The following NWD2 variants were observed in gnomAD, a reference collection of about 807,000 sequenced individuals.
The protein encoded by NWD2 is NACHT and WD repeat domain containing 2.
A neutral mutation model predicts 132.7 loss-of-function variants in NWD2; 37 were observed. That is an observed-to-expected ratio of 0.28 (90% CI 0.21 to 0.37). NWD2 has a LOEUF of 0.37. Among genes scored for constraint, NWD2 ranks in the 10% least tolerant of loss-of-function variants. NWD2 has a pLI of 1.00. For synonymous variants in NWD2, 705 were observed against 803.0 expected, an observed-to-expected ratio of 0.88 and a Z score of 2.06; for missense variants, 1,592 against 2,122.4, an observed-to-expected ratio of 0.75 and a Z score of 4.91.
At chr4:37,268,840 A>G (rs1453581462) in intron 1 of NWD2, among the ~76,000 whole-genome samples, 1 of 151,886 alleles carries the variant, frequency 6.6e-6, no homozygotes, top group Non-Finnish European at 1.5e-5. Flanking sequence ...TAAATCAAGC[A>G]TAAGAGGCAA....
At chr4:37,394,901 C>A (rs1452436751) in intron 3 of NWD2, among the ~76,000 whole-genome samples, 1 of 144,900 alleles carries the variant, frequency 6.9e-6, no homozygotes, top group Non-Finnish European at 1.5e-5. Flanking sequence ...CAACCTCTGC[C>A]TCCTGGGTTC....
At chr4:37,360,828 G>T (rs577788522) in intron 3 of NWD2, among the ~76,000 whole-genome samples, 71 of 152,244 alleles carry the variant, frequency 4.7e-4, no homozygotes, top group African/African-American at 1.7e-3. Flanking sequence ...GGAAGAGGGG[G>T]TTTTCTTCTT....
At chr4:37,372,610 A>G (rs1720251845) in intron 3 of NWD2, among the ~76,000 whole-genome samples, 1 of 152,176 alleles carries the variant, frequency 6.6e-6, no homozygotes, top group African/African-American at 2.4e-5. Context: ...CGCTACTAGT[A>G]ACTCAACGTT....
At position 37,446,374 on chromosome 4, in the gene NWD2, C is replaced by T. The variant is rs1428783748; in HGVS notation, c.4386C>T (p.Val1462=). ...TGACTAAAAGCAAAGTGTTGGCAGTCAGTCTTTGGACAGGAAGTATCACCA... is the reference window on the plus strand; with the variant it reads ...TGACTAAAAGCAAAGTGTTGGCAGTTAGTCTTTGGACAGGAAGTATCACCA... ...VGMTKSKVLA[V]SLWTGSITKK... is the part of the protein sequence containing the mutation. The change falls in exon 7 of 7, where the codon GTC becomes GTT. Residue 1462 remains valine, a synonymous_variant. Transcript: ENST00000309447. This position sits in a 1 kb window ranked among gnomAD's most constrained non-coding sequence, Gnocchi z 6.7. 1 of 1,551,742 alleles carries T rather than the reference C, an allele frequency of 6.4e-7. No homozygotes were observed. Among genetic ancestry groups the T allele is most frequent in the African/African-American group, 1.4e-5 (1 of 73,046 alleles).
intron 3 of NWD2, among the ~76,000 whole-genome samples, chr4:37,412,609 T>C (rs1235792508): frequency 1.3e-5 from 2 of 152,096 alleles, no homozygotes; most frequent in Non-Finnish European, 2.9e-5. Flanking sequence ...ATGGACTTTC[T>C]TCACAGCATT....
intron 2 of NWD2, among the ~76,000 whole-genome samples, chr4:37,348,961 C>G (rs1039725640): frequency 1.9e-4 from 29 of 151,692 alleles, no homozygotes; most frequent in African/African-American, 6.1e-4. Flanking sequence ...TGTAAGTTTG[C>G]TGAGAATGAT....
chr4:37,386,866 G>T (rs961511094), intron 3 of NWD2, among the ~76,000 whole-genome samples: 1 of 151,352 alleles, frequency 6.6e-6, no homozygotes, highest in African/African-American at 2.5e-5. Flanking sequence ...CCTCTCTCTC[G>T]GTCCCTCTCT....
At chr4:37,344,692 TA>T (rs1204790852) in intron 2 of NWD2, among the ~76,000 whole-genome samples, 3 of 152,212 alleles carry the variant, frequency 2.0e-5, no homozygotes, top group African/African-American at 7.2e-5. Flanking sequence ...TGTATGGTAT[TA>T]TTTTTTAAAT....
chr4:37,432,638 T>A (rs1712211182), intron 4 of NWD2, among the ~76,000 whole-genome samples: 1 of 152,206 alleles, frequency 6.6e-6, no homozygotes, highest in Admixed American at 6.5e-5. Context: ...AAGTCCTTTG[T>A]AAAATCTACC....
chr4:37,370,947 T>C (rs1039282486), intron 3 of NWD2, among the ~76,000 whole-genome samples: 3 of 152,114 alleles, frequency 2.0e-5, no homozygotes. Context: ...TCTAGGGACT[T>C]GGTACCCCCA....
intron 1 of NWD2, among the ~76,000 whole-genome samples, chr4:37,293,640 A>T (rs1718409157): frequency 6.6e-6 from 1 of 152,204 alleles, no homozygotes; most frequent in South Asian, 2.1e-4. Flanking sequence ...ATTGGTTCGT[A>T]CATTTTGGTT....
intron 3 of NWD2, among the ~76,000 whole-genome samples, chr4:37,379,633 A>G (rs921517118): frequency 1.3e-5 from 2 of 152,236 alleles, no homozygotes; most frequent in Non-Finnish European, 2.9e-5. Context: ...CAGACCGTAC[A>G]TGAGTAGATG....
chr4:37,332,229 C>T (rs1719308479), intron 2 of NWD2, among the ~76,000 whole-genome samples: 1 of 152,070 alleles, frequency 6.6e-6, no homozygotes, highest in Non-Finnish European at 1.5e-5. Context: ...CTTGCACTAC[C>T]CCTCCCCCAA....
intron 1 of NWD2, among the ~76,000 whole-genome samples, chr4:37,308,367 AGT>A (rs1718755779): frequency 6.6e-6 from 1 of 152,112 alleles, no homozygotes; most frequent in African/African-American, 2.4e-5. Context: ...AATCAGTGTC[AGT>A]GGTACCTATG....
At chr4:37,291,894 G>A (rs957271445) in intron 1 of NWD2, among the ~76,000 whole-genome samples, 1 of 152,146 alleles carries the variant, frequency 6.6e-6, no homozygotes, top group Non-Finnish European at 1.5e-5. Context: ...TATGGGCCAT[G>A]CCTTAAACTC....
chr4:37,295,556 A>G (rs1459105455), intron 1 of NWD2, among the ~76,000 whole-genome samples: 2 of 152,174 alleles, frequency 1.3e-5, no homozygotes, highest in African/African-American at 4.8e-5. Flanking sequence ...TGTCTTCCCT[A>G]TAAGTATTTA....
chr4:37,329,863 A>C (rs1297539376), intron 2 of NWD2, among the ~76,000 whole-genome samples: 1 of 152,214 alleles, frequency 6.6e-6, no homozygotes. Context: ...AACTAAAGTA[A>C]GCAGTGTAGA....
Position 37,376,914 on chromosome 4 carries a change from C to G in NWD2, c.357+20432C>G, listed in dbSNP as rs553534105. Among the ~76,000 whole-genome samples the G allele has an allele frequency of 8.1e-4, 124 of 152,212 alleles. 1 individual carries two copies. The highest frequency in any genetic ancestry group is 2.9e-3 in the African/African-American group (119 of 41,524). ...TTGTCCCAAGTACCTAGCATAAAGC[C>G]TCATGTATCAGGAATACATATCTAC... On this transcript the variant is annotated intron_variant, in intron 3 of 6. Transcript: ENST00000309447.
At chr4:37,246,794 C>A (rs1717253092) in intron 1 of NWD2, among the ~76,000 whole-genome samples, 1 of 152,128 alleles carries the variant, frequency 6.6e-6, no homozygotes, top group Non-Finnish European at 1.5e-5. Context: ...CTAGCTAAAT[C>A]ACTCTTTTTC....
Sources: gnomAD v4.1 joint callset for allele counts (sites outside exome capture counted in the v4.1 genomes callset) on GRCh38, gnomAD v4.1.1 for gene constraint, Gnocchi (gnomAD v3.1) non-coding constraint, MANE v1.5 for transcripts, NCBI Gene and HGNC (gene_info 2026-07-23, HGNC 2026-07-21) for gene names.